The following LZTR1 variants were observed in gnomAD, a reference collection of about 807,000 sequenced individuals.
LZTR1 encodes the protein leucine-zipper-like transcriptional regulator 1.
Under a neutral mutation model 105.7 loss-of-function variants are expected in LZTR1, and 260 were observed. That is an observed-to-expected ratio of 2.46 (90% CI 2.22 to 2.72). The LOEUF is 2.72. Ranked by LOEUF, LZTR1 falls within the 30% of genes most tolerant of loss-of-function variation. The probability of loss-of-function intolerance (pLI) is 0.00; values close to 1 mark genes in which losing one functional copy is unlikely to be tolerated. For missense variants in LZTR1, 1,214 were observed against 1,166.9 expected (o/e 1.04, Z -0.59); for synonymous variants, 490 against 476.4 (o/e 1.03, Z -0.37).
At chr22:20,985,794 C>A (rs779734157) in intron 2 of LZTR1, 47 bp from the exon 3 acceptor site, 2 of 1,587,498 alleles carry the variant, frequency 1.3e-6, no homozygotes, top group Non-Finnish European at 1.7e-6. Context: ...GGGGTCACTG[C>A]AGAGTAGACC....
rs753574040 is a variant in LZTR1, at chr22:20,989,690, G to A, written c.651+8G>A. 1 of 1,478,736 alleles carries A rather than the reference G, an allele frequency of 6.8e-7. No individual in the cohort carries two copies. The highest frequency in any genetic ancestry group is 9.0e-7 in the Non-Finnish European group (1 of 1,108,678). The allele number at this position is 1,478,736 out of a possible 1,614,324, so 91.6% of individuals were successfully genotyped here. A position where few individuals can be genotyped will look rare whatever the true frequency, so the allele number is the denominator to read the frequency against. ...CTCACCTGCTGGGAGGAGGTGAGGGGCGTGGGGAGCCAGGGCGCAGGTAGA... is the reference window on the plus strand; with the variant it reads ...CTCACCTGCTGGGAGGAGGTGAGGGACGTGGGGAGCCAGGGCGCAGGTAGA... On this transcript the variant is annotated splice_region_variant and intron_variant, in intron 7 of 20. Coordinates refer to ENST00000646124, the MANE Select transcript of LZTR1 (RefSeq NM_006767.4).
chr22:20,982,433 G>A lies in LZTR1; in HGVS notation c.62G>A (p.Arg21Gln), dbSNP rs1469540056. The A allele has an allele frequency of 6.3e-6, 10 of 1,582,496 alleles. No individual in the cohort carries two copies. Among genetic ancestry groups the A allele is most frequent in the Non-Finnish European group, 8.6e-6 (10 of 1,164,050 alleles). Residue 21 changes from arginine to glutamine, a missense_variant, in exon 1 of 21, where the codon CGG becomes CAG. Coordinates refer to ENST00000646124, the MANE Select transcript of LZTR1 (RefSeq NM_006767.4). ...IGAAALAGGA[R>Q]SKVAPSVDFD... ...GCTGCGGCCCTGGCAGGCGGCGCGC[G>A]GTCCAAGGTAGCCCCGAGCGTGGAC...
chr22:20,991,897 A>C, intron 9 of LZTR1, 68 bp downstream of exon 9: 1 of 1,411,228 alleles, frequency 7.1e-7, no homozygotes. Flanking sequence ...GCTCCCACCC[A>C]GCTCCTCACA....
chr22:20,993,733 C>A lies in LZTR1; in HGVS notation c.1332C>A (p.Asp444Glu). 8 of 1,613,262 alleles carry A rather than the reference C, an allele frequency of 5.0e-6. No individual in the cohort carries two copies. Among genetic ancestry groups the A allele is most frequent in the Non-Finnish European group, 6.8e-6 (8 of 1,179,872 alleles). Residue 444 changes from aspartate (D) to glutamate (E), a missense_variant, in exon 12 of 21, where the codon GAC becomes GAA. By Grantham distance (45) the Asp-to-Glu change is conservative. Transcript: ENST00000646124. ...TGTGGGAGAGCCGCCAGTTCTGCGA[C>A]GTGGAGTTCGTGCTGGGTGAGGTGG... ...GRLWESRQFC[D>E]VEFVLGEKEE...
chr22:20,989,023 A>C, intron 6 of LZTR1, 151 bp downstream of exon 6: 1 of 674,468 alleles, frequency 1.5e-6, no homozygotes, highest in Non-Finnish European at 2.6e-6. Flanking sequence ...TGGGAGGGGG[A>C]TGGGGAAAGA....
At position 20,996,698 on chromosome 22, in the gene LZTR1, A is replaced by AT; in HGVS notation, c.2222_2223insT (p.Phe743ValfsTer39). On this transcript the variant is annotated frameshift_variant, in exon 19 of 21. Transcript: ENST00000646124. LOFTEE classifies it high-confidence loss of function. ...TCAGCTCCTTAACCAGGCCCCAGCT[A>AT]CTTGTTTGCGGCCCCCTACTACTAC... 1 of 1,613,308 alleles carries AT rather than the reference A, an allele frequency of 6.2e-7. No individual in the cohort carries two copies. Among genetic ancestry groups the AT allele is most frequent in the African/African-American group, 1.3e-5 (1 of 74,946 alleles).
intron 19 of LZTR1, 36 bp from the exon 20 acceptor site, chr22:20,996,850 G>A: frequency 6.2e-7 from 1 of 1,612,392 alleles, no homozygotes; most frequent in South Asian, 1.1e-5. Context: ...CTGAGTGGGT[G>A]AAAGGGGCAG....
chr22:20,994,867 C>G lies in LZTR1; in HGVS notation c.1786-3C>G. The G allele has an allele frequency of 1.9e-6, 3 of 1,613,126 alleles. No individual in the cohort carries two copies. The highest frequency in any genetic ancestry group is 1.3e-5 in the African/African-American group (1 of 75,032). ...CCTGCCTGCCTGTGCCTGTCTGCCC[C>G]AGGAGCACTGCCTGAACTTCGTGGT... On this transcript the variant is annotated splice_polypyrimidine_tract_variant and splice_region_variant and intron_variant, in intron 15 of 20. Coordinates refer to ENST00000646124, the MANE Select transcript of LZTR1 (RefSeq NM_006767.4).
chr22:20,990,787 C>T (rs980066964), intron 8 of LZTR1: 9 of 435,330 alleles, frequency 2.1e-5, no homozygotes, highest in African/African-American at 6.1e-5. Context: ...TCCCCTTCCT[C>T]GTGAATAGCT....
At position 20,993,675 on chromosome 22, in the gene LZTR1, C is replaced by T. The variant is rs1194561931; in HGVS notation, c.1274C>T (p.Pro425Leu). The change falls in exon 12 of 21, where the codon CCT (proline) becomes CTT (leucine). Residue 425 changes from proline (P) to leucine (L), a missense_variant. By Grantham distance (98) the Pro-to-Leu change is moderately conservative. Coordinates refer to ENST00000646124, the MANE Select transcript of LZTR1 (RefSeq NM_006767.4). Reference protein sequence around the residue: ...EMYRFQFSCYPKCTLHEDYGR... With the variant: ...EMYRFQFSCYLKCTLHEDYGR... The stretch of plus-strand genomic sequence containing the variant: ...CCCCTCTTGCAGTTCTCCTGTTACC[C>T]TAAATGCACGCTGCACGAGGACTAC... The T allele has an allele frequency of 1.2e-6, 2 of 1,613,332 alleles. No homozygotes were observed. Among genetic ancestry groups the T allele is most frequent in the East Asian group, 2.2e-5 (1 of 44,890 alleles).
rs1601720373 is a variant in LZTR1 at position 20,992,990 on chromosome 22, T to C, written c.1260+86T>C. On this transcript the variant is annotated intron_variant, in intron 11 of 20. Transcript: ENST00000646124. ...TGAGGCCAAGTTGGGGGGCAGGGCT[T>C]ATCCAGGCCATTGCCAGGGCCACAC... 5 of 910,026 alleles carry C rather than the reference T, an allele frequency of 5.5e-6. No homozygotes were observed. The South Asian group carries it at 8.2e-5, about 15-fold the overall frequency. The allele number at this position is 910,026 out of a possible 1,614,324, so 56.4% of individuals were successfully genotyped here. A position where few individuals can be genotyped will look rare whatever the true frequency, so the allele number is the denominator to read the frequency against.
chr22:20,996,819 T>C lies in LZTR1; in HGVS notation c.2325+18T>C, dbSNP rs749915583. 1.2e-5 allele frequency: 20 copies of C among 1,613,044 alleles called. No individual in the cohort carries two copies. Among genetic ancestry groups the C allele is most frequent in the Non-Finnish European group, 1.6e-5 (19 of 1,179,618 alleles). On this transcript the variant is annotated intron_variant, in intron 19 of 20. Coordinates refer to ENST00000646124, the MANE Select transcript of LZTR1 (RefSeq NM_006767.4). Reference sequence around the variant, plus strand: ...TGCTGCAGGTAGCCCCCCAGCCCCGTGCACATGGCTGCAGCTCCCACTGAG... The same window carrying C: ...TGCTGCAGGTAGCCCCCCAGCCCCGCGCACATGGCTGCAGCTCCCACTGAG...
At chr22:20,990,955 G>A (rs1324172443) in intron 8 of LZTR1, 1 of 173,162 alleles carries the variant, frequency 5.8e-6, no homozygotes, top group Non-Finnish European at 1.2e-5. Context: ...AGGGCACAAG[G>A]AGTGTGAGCT....
intron 3 of LZTR1, chr22:20,986,175 G>A: frequency 2.6e-6 from 1 of 378,818 alleles, no homozygotes; most frequent in Non-Finnish European, 4.8e-6. Flanking sequence ...GCTAGTATGG[G>A]TACAGAAGTT....
chr22:20,993,167 C>G (rs1050465243), intron 11 of LZTR1, among the ~76,000 whole-genome samples: 1 of 152,232 alleles, frequency 6.6e-6, no homozygotes, highest in African/African-American at 2.4e-5. Context: ...CTGGGCTCAG[C>G]ACCAGAGCCT....
At chr22:20,990,300 A>C in intron 7 of LZTR1, 86 bp from the exon 8 acceptor site, 1 of 1,465,814 alleles carries the variant, frequency 6.8e-7, no homozygotes, top group Non-Finnish European at 9.5e-7. Context: ...CAAGAATAAA[A>C]GCAGTCCCAT....
intron 5 of LZTR1, 39 bp from the exon 6 acceptor site, chr22:20,988,749 TG>T: frequency 6.6e-7 from 1 of 1,510,958 alleles, no homozygotes; most frequent in Non-Finnish European, 9.2e-7. Context: ...AGGTCTGTGC[TG>T]GGCGGCCTCA....
rs532140512 is a variant in LZTR1, at chr22:20,991,905, A to C, written c.993+76A>C. On this transcript the variant is annotated intron_variant, in intron 9 of 20. Coordinates refer to ENST00000646124, the MANE Select transcript of LZTR1 (RefSeq NM_006767.4). ...CTACCCTGCTCCCACCCAGCTCCTCACAGCTTTGGGGCCCCCTGGGGTTCC... is the reference window on the plus strand; with the variant it reads ...CTACCCTGCTCCCACCCAGCTCCTCCCAGCTTTGGGGCCCCCTGGGGTTCC... 1,166 of 1,398,556 alleles carry C rather than the reference A, an allele frequency of 8.3e-4. 3 individuals carry two copies. The highest frequency in any genetic ancestry group is 1.6e-3 in the South Asian group (117 of 73,902). The allele number at this position is 1,398,556 out of a possible 1,614,324, so 86.6% of individuals were successfully genotyped here.
chr22:20,993,619 C>T (rs1291338353), intron 11 of LZTR1, 43 bp from the exon 12 acceptor site: 4 of 1,556,016 alleles, frequency 2.6e-6, no homozygotes, highest in Non-Finnish European at 3.5e-6. Flanking sequence ...CTGGGGCCAC[C>T]CTGCTGTCTG....
Sources: gnomAD v4.1 joint callset for allele counts (sites outside exome capture counted in the v4.1 genomes callset) on GRCh38, gnomAD v4.1.1 for gene constraint, MANE v1.5 for transcripts, NCBI Gene and HGNC (gene_info 2026-07-23, HGNC 2026-07-21) for gene names.